Variants in PACC1 observed in about 807,000 individuals in gnomAD.
PACC1 encodes proton-activated chloride channel.
PACC1 carries 34 observed loss-of-function variants against 39.7 expected under a neutral mutation model. The ratio of observed to expected loss-of-function variants is 0.86; its 90% confidence interval spans 0.65 to 1.14. The LOEUF (loss-of-function observed/expected upper bound fraction) is 1.14. Among genes scored for constraint, PACC1 ranks in the 50% most tolerant of loss-of-function variants. PACC1 has a pLI of 0.00. For missense variants in PACC1, 379 were observed against 436.4 expected (o/e 0.87, Z 1.17); for synonymous variants, 127 against 160.6 (o/e 0.79, Z 1.58).
chr1:212,383,021 T>TC (rs1173498044), intron 4 of PACC1, among the ~76,000 whole-genome samples: 3 of 152,192 alleles, frequency 2.0e-5, no homozygotes, highest in Non-Finnish European at 2.9e-5. Flanking sequence ...AAATGGGAGC[T>TC]CTACTGCTCT....
intron 4 of PACC1, among the ~76,000 whole-genome samples, chr1:212,384,947 G>A (rs1661042570): frequency 6.6e-6 from 1 of 152,224 alleles, no homozygotes; most frequent in Non-Finnish European, 1.5e-5. Flanking sequence ...TCTGTCAAGT[G>A]GTCAGGTATG....
intron 2 of PACC1, among the ~76,000 whole-genome samples, chr1:212,403,809 C>T (rs565069995): frequency 1.5e-4 from 23 of 152,166 alleles, no homozygotes; most frequent in Non-Finnish European, 2.6e-4. Context: ...AAGTGACTCA[C>T]CCGCCTCAGC....
intron 7 of PACC1, among the ~76,000 whole-genome samples, chr1:212,371,501 A>G (rs1479456912): frequency 1.3e-5 from 2 of 152,162 alleles, no homozygotes; most frequent in African/African-American, 4.8e-5. Flanking sequence ...TGAACCATGA[A>G]GAAACAGAAA....
intron 1 of PACC1, chr1:212,414,023 A>G (rs1662233657): frequency 6.5e-7 from 1 of 1,535,728 alleles, no homozygotes; most frequent in Non-Finnish European, 8.7e-7. Context: ...AGTTTCACTA[A>G]TACAGCTGGA....
chr1:212,380,485 C>T, intron 4 of PACC1, among the ~76,000 whole-genome samples: 1 of 151,918 alleles, frequency 6.6e-6, no homozygotes, highest in East Asian at 1.9e-4. Context: ...AAAATTATAT[C>T]AATATTCTCC....
intron 6 of PACC1, 36 bp downstream of exon 6, chr1:212,377,525 GT>G: frequency 6.2e-7 from 1 of 1,612,220 alleles, no homozygotes; most frequent in Non-Finnish European, 8.5e-7. Flanking sequence ...ATGTGGAAAA[GT>G]CACCAGCAGT....
At chr1:212,378,687 A>G (rs1192664596) in intron 5 of PACC1, among the ~76,000 whole-genome samples, 1 of 152,220 alleles carries the variant, frequency 6.6e-6, no homozygotes, top group Non-Finnish European at 1.5e-5. Context: ...GTCAGGGGAC[A>G]TTCATCACTG....
chr1:212,387,371 A>T (rs941358376), intron 2 of PACC1, among the ~76,000 whole-genome samples: 5 of 152,228 alleles, frequency 3.3e-5, no homozygotes, highest in African/African-American at 1.2e-4. Context: ...TAAAAGATAA[A>T]AAACGATAAA....
intron 2 of PACC1, among the ~76,000 whole-genome samples, chr1:212,391,612 G>A (rs1661322683): frequency 6.6e-6 from 1 of 152,248 alleles, no homozygotes; most frequent in South Asian, 2.1e-4. Context: ...GATGTGTTGA[G>A]AGAAGAAGTC....
rs146756050 is a variant in PACC1 at position 212,390,749 on chromosome 1, C to T, written c.134-3649G>A. ...AATCGGGCCACTCCCACCCTAATAC[C>T]GTGCTTTTCCAATGGTCTTAGCAAA... On this transcript the variant is annotated intron_variant, in intron 2 of 7. Transcript: ENST00000261455. 1.4e-3 allele frequency among the ~76,000 whole-genome samples: 207 copies of T among 152,320 alleles called. 1 individual carries two copies. In the South Asian group the frequency reaches 0.014, roughly 10 times the overall value.
intron 1 of PACC1, 83 bp downstream of exon 1, chr1:212,414,636 GACA>G: frequency 6.8e-7 from 1 of 1,461,800 alleles, no homozygotes; most frequent in Non-Finnish European, 9.4e-7. Flanking sequence ...GCGCAGCCCC[GACA>G]CCCCCCGCCC....
chr1:212,412,151 A>C (rs542526050), intron 1 of PACC1, among the ~76,000 whole-genome samples: 2 of 152,044 alleles, frequency 1.3e-5, no homozygotes, highest in African/African-American at 2.4e-5. Context: ...CAAAAAAAAA[A>C]AAGAAAGAAA....
intron 4 of PACC1, 51 bp from the exon 5 acceptor site, chr1:212,380,088 C>G (rs1345802027): frequency 1.3e-6 from 2 of 1,591,774 alleles, no homozygotes; most frequent in South Asian, 2.2e-5. Flanking sequence ...TACACAGAGG[C>G]CTCTGGGTCT....
intron 1 of PACC1, among the ~76,000 whole-genome samples, chr1:212,413,429 G>A (rs1031920145): frequency 5.6e-5 from 6 of 107,128 alleles, no homozygotes; most frequent in Admixed American, 4.5e-4. Flanking sequence ...ACAGAAGGCA[G>A]CAAGTTCATT....
At chr1:212,381,695 G>GCACGCACACA (rs1553281030) in intron 4 of PACC1, among the ~76,000 whole-genome samples, 1 of 122,758 alleles carries the variant, frequency 8.1e-6, no homozygotes, top group African/African-American at 3.0e-5. Flanking sequence ...CACACACACT[G>GCACGCACACA]CACACACACA....
intron 2 of PACC1, among the ~76,000 whole-genome samples, chr1:212,394,424 T>C (rs1229754625): frequency 6.6e-6 from 1 of 152,228 alleles, no homozygotes; most frequent in Non-Finnish European, 1.5e-5. Flanking sequence ...TAGGTATTGA[T>C]GGGACGTATC....
At chr1:212,367,507 G>T (rs2102462381) in intron 7 of PACC1, among the ~76,000 whole-genome samples, 1 of 152,334 alleles carries the variant, frequency 6.6e-6, no homozygotes, top group African/African-American at 2.4e-5. Flanking sequence ...CCACCCCAGT[G>T]GGAGGAAACC....
At chr1:212,407,723 C>T (rs1571681898) in intron 2 of PACC1, among the ~76,000 whole-genome samples, 1 of 152,292 alleles carries the variant, frequency 6.6e-6, no homozygotes, top group East Asian at 1.9e-4. Context: ...TCAAGAGATC[C>T]TCCCATCTTG....
intron 2 of PACC1, among the ~76,000 whole-genome samples, chr1:212,404,129 CAG>C (rs1191127701): frequency 2.6e-5 from 4 of 151,518 alleles, no homozygotes; most frequent in Admixed American, 2.0e-4. Context: ...TTTTTTGAGA[CAG>C]AGTCTCGCTC....
Sources: gnomAD v4.1 joint callset for allele counts (sites outside exome capture counted in the v4.1 genomes callset) on GRCh38, gnomAD v4.1.1 for gene constraint, MANE v1.5 for transcripts, NCBI Gene and HGNC (gene_info 2026-07-23, HGNC 2026-07-21) for gene names.